The following NKAIN2 variants were observed in gnomAD, a reference collection of about 807,000 sequenced individuals.
NKAIN2 encodes the protein sodium/potassium transporting ATPase interacting 2, also known as sodium/potassium-transporting ATPase subunit beta-1-interacting protein 2.
A neutral mutation model predicts 32.6 loss-of-function variants in NKAIN2; 14 were observed. That is an observed-to-expected ratio of 0.43 (90% confidence interval 0.28 to 0.67). The LOEUF (loss-of-function observed/expected upper bound fraction) is 0.67, where lower values mean the gene tolerates loss of function less well. NKAIN2 is among the 30% of genes least tolerant of loss of function. The pLI is 0.17. For missense variants in NKAIN2, 198 were observed against 258.3 expected (o/e 0.77, Z 1.60); for synonymous variants, 80 against 87.2 (o/e 0.92, Z 0.46).
At chr6:124,643,287 A>G (rs699384) in intron 3 of NKAIN2, among the ~76,000 whole-genome samples, 70,697 of 151,978 alleles carry the variant, frequency 0.47, 18,183 homozygotes, top group Non-Finnish European at 0.59. Flanking sequence ...ATCCCATCTC[A>G]TAAGTATAAG....
intron 1 of NKAIN2, among the ~76,000 whole-genome samples, chr6:124,249,357 G>T (rs1250861217): frequency 6.6e-6 from 1 of 152,070 alleles, no homozygotes; most frequent in African/African-American, 2.4e-5. Context: ...TTTGGTACTT[G>T]TGATAGAAGA....
intron 3 of NKAIN2, among the ~76,000 whole-genome samples, chr6:124,405,876 A>G (rs553702413): frequency 6.6e-6 from 1 of 152,332 alleles, no homozygotes; most frequent in Non-Finnish European, 1.5e-5. Context: ...ACACTACTTC[A>G]TTACTAGGGC....
intron 4 of NKAIN2, among the ~76,000 whole-genome samples, chr6:124,737,603 C>T (rs1777014906): frequency 6.6e-6 from 1 of 151,812 alleles, no homozygotes; most frequent in Non-Finnish European, 1.5e-5. Context: ...TTGGAGGGCT[C>T]AGAAGAAGAC....
intron 1 of NKAIN2, among the ~76,000 whole-genome samples, chr6:124,058,004 T>C (rs1782740869): frequency 6.6e-6 from 1 of 152,050 alleles, no homozygotes; most frequent in South Asian, 2.1e-4. Context: ...GTTGTAATCG[T>C]GATTGTTTAA....
rs145124411 is a variant in NKAIN2 at position 124,087,634 on chromosome 6, C to G, written c.55-195371C>G. On this transcript the variant is annotated intron_variant, in intron 1 of 6. Transcript: ENST00000368417. The stretch of plus-strand genomic sequence containing the variant: ...GGTGTATCTGTGGCTATTGGGAACT[C>G]TGGTTTTTGTTCAGTTTTGCTGTTA... Among the ~76,000 whole-genome samples, 621 of 151,956 alleles carry G rather than the reference C, an allele frequency of 4.1e-3. 5 individuals are homozygous for G. The highest frequency in any genetic ancestry group is 0.014 in the African/African-American group (589 of 41,474).
At chr6:124,537,037 C>T (rs773973461) in intron 3 of NKAIN2, among the ~76,000 whole-genome samples, 1 of 152,128 alleles carries the variant, frequency 6.6e-6, no homozygotes, top group Admixed American at 6.5e-5. Flanking sequence ...CCTGTGACCA[C>T]GTGGAAGGGA....
At chr6:124,614,920 T>A (rs1161533416) in intron 3 of NKAIN2, among the ~76,000 whole-genome samples, 1 of 152,244 alleles carries the variant, frequency 6.6e-6, no homozygotes, top group Non-Finnish European at 1.5e-5. Context: ...AGATTTTCCC[T>A]TTTTACAAAG....
chr6:124,182,659 T>C (rs1582806131), intron 1 of NKAIN2, among the ~76,000 whole-genome samples: 1 of 152,258 alleles, frequency 6.6e-6, no homozygotes, highest in East Asian at 1.9e-4. Flanking sequence ...CCTGAACATT[T>C]TGAGAGTAGA....
intron 4 of NKAIN2, among the ~76,000 whole-genome samples, chr6:124,735,554 G>A (rs1171400424): frequency 2.6e-5 from 4 of 151,802 alleles, no homozygotes; most frequent in South Asian, 2.1e-4. Context: ...TGGGCTTTAC[G>A]GTAATTTTGG....
chr6:124,542,527 C>T (rs972438292), intron 3 of NKAIN2, among the ~76,000 whole-genome samples: 1 of 152,096 alleles, frequency 6.6e-6, no homozygotes, highest in African/African-American at 2.4e-5. Context: ...TAACTCAGAT[C>T]TTCTGATTAC....
chr6:124,229,532 A>ATAGG (rs1384745828), intron 1 of NKAIN2, among the ~76,000 whole-genome samples: 13 of 150,380 alleles, frequency 8.6e-5, no homozygotes, highest in South Asian at 2.1e-4. Context: ...AGATAGATAG[A>ATAGG]TAGACAGACA....
intron 1 of NKAIN2, among the ~76,000 whole-genome samples, chr6:124,050,699 G>A (rs1348847980): frequency 2.0e-5 from 3 of 152,022 alleles, no homozygotes; most frequent in Non-Finnish European, 4.4e-5. Flanking sequence ...TTTATTTATT[G>A]TGATCACCTT....
chr6:124,493,564 G>T (rs1389530921), intron 3 of NKAIN2, among the ~76,000 whole-genome samples: 2 of 151,712 alleles, frequency 1.3e-5, no homozygotes, highest in African/African-American at 4.8e-5. Context: ...TAGTTAAGAG[G>T]TAATTGTCAG....
chr6:124,273,714 GC>G (rs1160545558), intron 1 of NKAIN2, among the ~76,000 whole-genome samples: 1 of 152,090 alleles, frequency 6.6e-6, no homozygotes, highest in East Asian at 1.9e-4. Flanking sequence ...TGATTTAAAA[GC>G]CCATGGCCAT....
At chr6:124,175,509 A>G (rs907369328) in intron 1 of NKAIN2, among the ~76,000 whole-genome samples, 1 of 152,220 alleles carries the variant, frequency 6.6e-6, no homozygotes, top group African/African-American at 2.4e-5. Flanking sequence ...CATAATGTCT[A>G]CACTGCCTCT....
intron 1 of NKAIN2, among the ~76,000 whole-genome samples, chr6:124,155,964 A>G (rs1310556409): frequency 3.9e-5 from 5 of 129,834 alleles, no homozygotes; most frequent in Non-Finnish European, 8.0e-5. Context: ...CAGAGAATGG[A>G]AAAAAAAAAA....
intron 3 of NKAIN2, among the ~76,000 whole-genome samples, chr6:124,470,097 A>C (rs992297098): frequency 6.6e-6 from 1 of 152,114 alleles, no homozygotes; most frequent in Admixed American, 6.5e-5. Context: ...GCAGGTCATG[A>C]GTGAGGGTGG....
In NKAIN2 at chr6:124,052,541, G is replaced by A. The variant is rs541281470; in HGVS notation, c.55-230464G>A. 1.2e-3 allele frequency among the ~76,000 whole-genome samples: 175 copies of A among 151,902 alleles called. 1 individual carries two copies. Among genetic ancestry groups the A allele is most frequent in the African/African-American group, 4.2e-3 (172 of 41,414 alleles). ...AATACTACTCTGTTGTTGTATAAAG[G>A]ACCACCTGATAGAAAAGCTACAGAA... On this transcript the variant is annotated intron_variant, in intron 1 of 6. Transcript: ENST00000368417.
intron 3 of NKAIN2, among the ~76,000 whole-genome samples, chr6:124,521,205 C>T (rs78391007): frequency 0.017 from 2,627 of 152,238 alleles, 31 homozygotes; most frequent in Non-Finnish European, 0.028. Flanking sequence ...TCGCCTTGTT[C>T]CCATCACTGT....
Sources: gnomAD v4.1 joint callset for allele counts (sites outside exome capture counted in the v4.1 genomes callset) on GRCh38, gnomAD v4.1.1 for gene constraint, MANE v1.5 for transcripts, NCBI Gene and HGNC (gene_info 2026-07-23, HGNC 2026-07-21) for gene names.